The following CACNA1B variants were observed in gnomAD, a reference collection of about 807,000 sequenced individuals.
CACNA1B encodes voltage-dependent N-type calcium channel subunit alpha-1B.
A neutral mutation model predicts 247.2 loss-of-function variants in CACNA1B; 70 were observed. The ratio of observed to expected loss-of-function variants is 0.28; its 90% CI spans 0.23 to 0.35. The LOEUF (loss-of-function observed/expected upper bound fraction) is 0.35, where lower values mean the gene tolerates loss of function less well. Among genes scored for constraint, CACNA1B ranks in the 10% least tolerant of loss-of-function variants. The probability of loss-of-function intolerance (pLI) is 1.00; values close to 1 mark genes in which losing one functional copy is unlikely to be tolerated. For synonymous variants in CACNA1B, 1,231 were observed against 1,294.4 expected, an observed-to-expected ratio of 0.95 and a Z score of 1.05; for missense variants, 2,367 against 3,197.4, an observed-to-expected ratio of 0.74 and a Z score of 6.26.
chr9:138,050,363 C>T lies in CACNA1B; in HGVS notation c.3710+1048C>T, dbSNP rs921704657. 2.0e-5 allele frequency among the ~76,000 whole-genome samples: 3 copies of T among 152,280 alleles called. No individual in the cohort carries two copies. The highest frequency in any genetic ancestry group is 4.2e-4 in the South Asian group (2 of 4,818). Reference sequence around the variant, plus strand: ...GAGGGCTGGAGGCTGGGGCCATTGGCCTGGAGGGCAGCAAGGGCTCCGGGA... The same window carrying T: ...GAGGGCTGGAGGCTGGGGCCATTGGTCTGGAGGGCAGCAAGGGCTCCGGGA... On this transcript the variant is annotated intron_variant, in intron 24 of 46. Transcript: ENST00000371372. The surrounding 1 kb of genome is among the most constrained non-coding windows in gnomAD (Gnocchi z 5.2).
At chr9:137,907,646 A>G (rs1385073458) in intron 3 of CACNA1B, among the ~76,000 whole-genome samples, 1 of 152,146 alleles carries the variant, frequency 6.6e-6, no homozygotes, top group East Asian at 1.9e-4. Flanking sequence ...ATGAATTTGT[A>G]GAAATTTTTT....
rs1017605780 is a variant in CACNA1B, at chr9:137,919,456, G to T, written c.966+2025G>T. On this transcript the variant is annotated intron_variant, in intron 6 of 46. Transcript: ENST00000371372. The surrounding 1 kb of genome is among the most constrained non-coding windows in gnomAD (Gnocchi z 4.6). ...CAAGATGCAGTCATGGCAGTGCCTG[G>T]GGCTGGCGCCACACAAGGCCCCAGA... Among the ~76,000 whole-genome samples the T allele has an allele frequency of 1.3e-5, 2 of 152,230 alleles. No individual in the cohort carries two copies. The highest frequency in any genetic ancestry group is 4.8e-5 in the African/African-American group (2 of 41,464).
In CACNA1B at chr9:138,035,816, A is replaced by T. The variant is rs192202925; in HGVS notation, c.3287-7958A>T. Among the ~76,000 whole-genome samples the T allele has an allele frequency of 1.6e-3, 238 of 152,296 alleles. 1 individual carries two copies. The highest frequency in any genetic ancestry group is 5.0e-3 in the African/African-American group (207 of 41,576). On this transcript the variant is annotated intron_variant, in intron 20 of 46. Coordinates refer to ENST00000371372, the MANE Select transcript of CACNA1B (RefSeq NM_000718.4). ...ATTAGTTGGATACTCAGCTCATGAC[A>T]TTGAGCTTTTCTACTTTGCTAATGT...
In CACNA1B at chr9:138,052,846, T is replaced by A. The variant is rs142331334; in HGVS notation, c.3807+658T>A. Among the ~76,000 whole-genome samples, 99 of 152,302 alleles carry A rather than the reference T, an allele frequency of 6.5e-4. No homozygotes were observed. The highest frequency in any genetic ancestry group is 1.3e-3 in the Non-Finnish European group (90 of 68,024). On this transcript the variant is annotated intron_variant, in intron 25 of 46. Coordinates refer to ENST00000371372, the MANE Select transcript of CACNA1B (RefSeq NM_000718.4). The surrounding 1 kb of genome is among the most constrained non-coding windows in gnomAD (Gnocchi z 5.1). ...GTCCAGGGAGGAGTGGCACCTGCCCTGGCACCGAGTGGCGCTGTGCAGTGG... is the reference window on the plus strand; with the variant it reads ...GTCCAGGGAGGAGTGGCACCTGCCCAGGCACCGAGTGGCGCTGTGCAGTGG...
chr9:137,882,928 G>A lies in CACNA1B; in HGVS notation c.530+45G>A, dbSNP rs199613819. On this transcript the variant is annotated intron_variant, in intron 3 of 46. Transcript: ENST00000371372. The surrounding 1 kb of genome is among the most constrained non-coding windows in gnomAD (Gnocchi z 4.0). ...GAGGCCCAGCGTGTGAGGCCCGGGCGTGTGCTCTCTGAAGCTCAGTTGCGC... is the reference window on the plus strand; with the variant it reads ...GAGGCCCAGCGTGTGAGGCCCGGGCATGTGCTCTCTGAAGCTCAGTTGCGC... The A allele has an allele frequency of 3.2e-5, 51 of 1,573,358 alleles. No individual in the cohort carries two copies. The Middle Eastern group carries it at 6.8e-4, about 21-fold the overall frequency.
rs1054600121 is a variant in CACNA1B at position 138,052,243 on chromosome 9, TGTGTGC to T, written c.3807+61_3807+66del. 5 of 693,830 alleles carry T rather than the reference TGTGTGC, an allele frequency of 7.2e-6. No homozygotes were observed. The highest frequency in any genetic ancestry group is 1.1e-5 in the Non-Finnish European group (5 of 447,302). The allele number at this position is 693,830 out of a possible 1,614,324, so 43.0% of individuals were successfully genotyped here. ...TGTGCTGTGTGTGTGTGCGTGTGTG[TGTGTGC>T]GTGTGTGTGTGTGTATGCATGCAGT... is the stretch of plus-strand genomic sequence containing the variant. On this transcript the variant is annotated intron_variant, in intron 25 of 46. Coordinates refer to ENST00000371372, the MANE Select transcript of CACNA1B (RefSeq NM_000718.4). This position sits in a 1 kb window ranked among gnomAD's most constrained non-coding sequence, Gnocchi z 5.1.
intron 12 of CACNA1B, among the ~76,000 whole-genome samples, chr9:137,976,570 C>T (rs533319129): frequency 1.9e-4 from 23 of 122,002 alleles, no homozygotes; most frequent in Middle Eastern, 6.4e-3. Context: ...TGAACACAGA[C>T]GGCAGGGCAG....
Position 138,120,871 on chromosome 9 carries a change from C to A in CACNA1B, c.6479C>A (p.Pro2160His), listed in dbSNP as rs868828462. 4 of 1,570,520 alleles carry A rather than the reference C, an allele frequency of 2.5e-6. No homozygotes were observed. The Admixed American group carries it at 7.5e-5, about 29-fold the overall frequency. Residue 2160 changes from proline (P) to histidine (H), a missense_variant, in exon 46 of 47, where the codon CCC becomes CAC. Pro to His is a moderately conservative substitution (Grantham distance 77, BLOSUM62 -2). This residue lies in a region of CACNA1B where 773 missense variants were observed against 779.4 expected (regional missense o/e 0.99). Transcript: ENST00000371372. ...TSPTAGQEPG[P>H]HPQGSGSVNG... is the part of the protein sequence containing the mutation. ...CCAACAGCTGGCCAGGAGCCGGGAC[C>A]CCACCCACAGGTAAGAGGAATAGGT...
At chr9:138,108,231 G>A (rs1961501781) in intron 39 of CACNA1B, among the ~76,000 whole-genome samples, 1 of 150,372 alleles carries the variant, frequency 6.7e-6, no homozygotes, top group Admixed American at 6.6e-5. Flanking sequence ...CAGCTGCTTG[G>A]GGAGGCTGAG....
rs1374876543 is a variant in CACNA1B at position 138,020,952 on chromosome 9, A to AT, written c.2268-2057dup. On this transcript the variant is annotated intron_variant, in intron 18 of 46. Coordinates refer to ENST00000371372, the MANE Select transcript of CACNA1B (RefSeq NM_000718.4). This position sits in a 1 kb window ranked among gnomAD's most constrained non-coding sequence, Gnocchi z 4.1. ...TGGAACTGCAATGCTGGTCCCCAAG[A>AT]TTCACGGCTTCATCAGAGCGGGCCA... Among the ~76,000 whole-genome samples the AT allele has an allele frequency of 3.3e-5, 5 of 152,100 alleles. No homozygotes were observed. The highest frequency in any genetic ancestry group is 1.2e-4 in the African/African-American group (5 of 41,410).
rs1017010458 is a variant in CACNA1B at position 138,052,415 on chromosome 9, C to T, written c.3807+227C>T. On this transcript the variant is annotated intron_variant, in intron 25 of 46. Transcript: ENST00000371372. The surrounding 1 kb of genome is among the most constrained non-coding windows in gnomAD (Gnocchi z 5.1). ...TCCTCCTTAGCCCAGCAGGACCAGG[C>T]GGCACAGGGTTTTTCTTCAGCAGCT... Among the ~76,000 whole-genome samples, 6 of 152,084 alleles carry T rather than the reference C, an allele frequency of 3.9e-5. No individual in the cohort carries two copies. The highest frequency in any genetic ancestry group is 9.7e-5 in the African/African-American group (4 of 41,408).
At chr9:138,110,600 C>T (rs1186713911) in intron 39 of CACNA1B, among the ~76,000 whole-genome samples, 8 of 152,056 alleles carry the variant, frequency 5.3e-5, no homozygotes, top group Non-Finnish European at 8.8e-5. Flanking sequence ...GGCATGGTGG[C>T]GCATGCCTGT....
intron 6 of CACNA1B, among the ~76,000 whole-genome samples, chr9:137,923,342 G>GCCAGGTGGTATTCCGTGGTT (rs1564191265): frequency 1.4e-5 from 2 of 147,824 alleles, no homozygotes; most frequent in Non-Finnish European, 3.0e-5. Flanking sequence ...ATTCCGTGGT[G>GCCAGGTGGTATTCCGTGGTT]CCAGGTAGTA....
rs778960660 is a variant in CACNA1B, at chr9:138,058,610, A to C, written c.4350A>C (p.Thr1450=). 4 of 1,613,826 alleles carry C rather than the reference A, an allele frequency of 2.5e-6. No individual in the cohort carries two copies. The South Asian group carries it at 4.4e-5, about 18-fold the overall frequency. The stretch of plus-strand genomic sequence containing the variant: ...TCGCCATCAGCGCCAAACCCCTGAC[A>C]CGGTACATGCCCCAAAACCGGCAGT... ...IDFAISAKPL[T]RYMPQNRQSF... The change falls in exon 29 of 47, where the codon ACA becomes ACC. Residue 1450 remains threonine (T), a synonymous_variant. Transcript: ENST00000371372. This position sits in a 1 kb window ranked among gnomAD's most constrained non-coding sequence, Gnocchi z 4.7.
chr9:137,925,177 TA>T (rs1957535239), intron 6 of CACNA1B, among the ~76,000 whole-genome samples: 1 of 152,088 alleles, frequency 6.6e-6, no homozygotes, highest in African/African-American at 2.4e-5. Flanking sequence ...TTCAACGATG[TA>T]TTACCTACAG....
intron 36 of CACNA1B, among the ~76,000 whole-genome samples, chr9:138,087,962 T>C (rs573134369): frequency 6.6e-6 from 1 of 151,808 alleles, no homozygotes; most frequent in East Asian, 1.9e-4. Flanking sequence ...CTCAAGGAAC[T>C]AGGAATAAAA....
chr9:138,058,016 G>T lies in CACNA1B; in HGVS notation c.4107-33G>T, dbSNP rs199748779. On this transcript the variant is annotated intron_variant, in intron 27 of 46. Transcript: ENST00000371372. This position sits in a 1 kb window ranked among gnomAD's most constrained non-coding sequence, Gnocchi z 4.7. ...GTTCTTAGGGCTGTCTCCTTTGGGG[G>T]TTCCCCTGACACTTGCTCTCCTCTT... is the stretch of plus-strand genomic sequence containing the variant. 4.8e-5 allele frequency: 76 copies of T among 1,594,424 alleles called. No individual in the cohort carries two copies. The South Asian group carries it at 6.8e-4, about 14-fold the overall frequency.
At chr9:137,996,173 A>G (rs1958498280) in intron 15 of CACNA1B, among the ~76,000 whole-genome samples, 1 of 152,240 alleles carries the variant, frequency 6.6e-6, no homozygotes, top group Non-Finnish European at 1.5e-5. Flanking sequence ...ACTCAGAGGA[A>G]AAGAAGTCAT....
rs1332687180 is a variant in CACNA1B, at chr9:138,121,300, C to G, written c.6490-169C>G. Reference sequence around the variant, plus strand: ...CCTGACCCTGACCATCGCCCTCCCCCGCACACAGGTGCCTGTTGCCTCCCT... The same window carrying G: ...CCTGACCCTGACCATCGCCCTCCCCGGCACACAGGTGCCTGTTGCCTCCCT... On this transcript the variant is annotated intron_variant, in intron 46 of 46. Coordinates refer to ENST00000371372, the MANE Select transcript of CACNA1B (RefSeq NM_000718.4). This position sits in a 1 kb window ranked among gnomAD's most constrained non-coding sequence, Gnocchi z 6.8. 6.6e-6 allele frequency among the ~76,000 whole-genome samples: 1 copy of G among 152,186 alleles called. No individual in the cohort carries two copies. Among genetic ancestry groups the G allele is most frequent in the Non-Finnish European group, 1.5e-5 (1 of 68,036 alleles).
Sources: gnomAD v4.1 joint callset for allele counts (sites outside exome capture counted in the v4.1 genomes callset) on GRCh38, gnomAD v4.1.1 for gene constraint, gnomAD v4.1.1 regional missense constraint, Gnocchi (gnomAD v3.1) non-coding constraint, MANE v1.5 for transcripts, NCBI Gene and HGNC (gene_info 2026-07-23, HGNC 2026-07-21) for gene names.